RALGAPA1: variants seen among roughly 807,000 people sequenced by gnomAD.
The protein encoded by RALGAPA1 is ral GTPase-activating protein subunit alpha-1.
In RALGAPA1, 52 loss-of-function variants were observed where a neutral mutation model predicts 269.6. The observed-to-expected ratio is 0.19, with a 90% confidence interval of 0.15 to 0.24. The LOEUF is 0.24. RALGAPA1 is among the 10% of genes least tolerant of loss of function. The probability of loss-of-function intolerance (pLI) is 1.00; values close to 1 mark genes in which losing one functional copy is unlikely to be tolerated. For synonymous variants in RALGAPA1, 817 were observed against 1,008.3 expected (o/e 0.81, Z 3.60); for missense variants, 1,917 against 3,013.9 (o/e 0.64, Z 8.52).
intron 1 of RALGAPA1, among the ~76,000 whole-genome samples, chr14:35,800,380 T>TA (rs1371477239): frequency 6.6e-6 from 1 of 152,148 alleles, no homozygotes; most frequent in Non-Finnish European, 1.5e-5. Context: ...ATTCAGGTTA[T>TA]AAAAAATAGT....
chr14:35,671,135 T>TCTTTCTTTG (rs1161084327), intron 26 of RALGAPA1, among the ~76,000 whole-genome samples: 1 of 152,184 alleles, frequency 6.6e-6, no homozygotes, highest in Non-Finnish European at 1.5e-5. Flanking sequence ...AGCCCATTGC[T>TCTTTCTTTG]CTTTCTTTGC....
intron 38 of RALGAPA1, among the ~76,000 whole-genome samples, chr14:35,572,101 T>C (rs1308715469): frequency 1.3e-5 from 2 of 152,220 alleles, no homozygotes; most frequent in African/African-American, 4.8e-5. Context: ...GATAGGTGAC[T>C]GAACCATTTG....
chr14:35,600,706 C>A (rs2059240154), intron 36 of RALGAPA1, among the ~76,000 whole-genome samples: 2 of 152,142 alleles, frequency 1.3e-5, no homozygotes. Context: ...TTTACATTTT[C>A]TATTTCTTTG....
At chr14:35,652,647 C>T (rs975485822) in intron 30 of RALGAPA1, among the ~76,000 whole-genome samples, 13 of 151,988 alleles carry the variant, frequency 8.6e-5, no homozygotes, top group African/African-American at 2.4e-4. Flanking sequence ...TCAGGTGATC[C>T]GCCCACCTCA....
At chr14:35,748,522 G>A in intron 10 of RALGAPA1, 63 bp downstream of exon 10, 1 of 1,490,018 alleles carries the variant, frequency 6.7e-7, no homozygotes, top group East Asian at 2.4e-5. Context: ...CTAAAAATCA[G>A]TATGTTTAAT....
intron 16 of RALGAPA1, among the ~76,000 whole-genome samples, chr14:35,703,825 A>G (rs2067567241): frequency 6.6e-6 from 1 of 151,998 alleles, no homozygotes; most frequent in South Asian, 2.1e-4. Context: ...GAGCATGACA[A>G]TTTTTGAAGG....
At chr14:35,702,189 A>C (rs891559772) in intron 16 of RALGAPA1, among the ~76,000 whole-genome samples, 23 of 152,224 alleles carry the variant, frequency 1.5e-4, no homozygotes, top group Non-Finnish European at 2.5e-4. Flanking sequence ...TCTATATTTG[A>C]GCAGGAGTCC....
chr14:35,645,440 G>A (rs879935652), intron 31 of RALGAPA1, among the ~76,000 whole-genome samples: 11 of 148,216 alleles, frequency 7.4e-5, no homozygotes, highest in Non-Finnish European at 1.3e-4. Context: ...CTTAAGAAAC[G>A]ATACCCCAGG....
At chr14:35,554,321 TCTA>T (rs981342054) in intron 39 of RALGAPA1, among the ~76,000 whole-genome samples, 26 of 151,356 alleles carry the variant, frequency 1.7e-4, no homozygotes, top group Admixed American at 1.6e-3. Flanking sequence ...GGCTTGTTCT[TCTA>T]CTAAATACAC....
At chr14:35,591,971 T>C (rs187430938) in intron 37 of RALGAPA1, among the ~76,000 whole-genome samples, 5 of 152,298 alleles carry the variant, frequency 3.3e-5, no homozygotes, top group Non-Finnish European at 7.4e-5. Flanking sequence ...AAGATGTACC[T>C]TGCTTCCCCT....
chr14:35,758,819 C>A (rs544302379), intron 6 of RALGAPA1, among the ~76,000 whole-genome samples: 1 of 152,250 alleles, frequency 6.6e-6, no homozygotes, highest in South Asian at 2.1e-4. Context: ...GCTTATAGAA[C>A]ATCTGTTAAG....
chr14:35,717,741 A>G (rs2068969002), intron 16 of RALGAPA1, among the ~76,000 whole-genome samples: 1 of 151,914 alleles, frequency 6.6e-6, no homozygotes, highest in Admixed American at 6.6e-5. Context: ...TATTTTTAGT[A>G]GAGACGGGGT....
intron 39 of RALGAPA1, among the ~76,000 whole-genome samples, chr14:35,562,121 T>G (rs946735265): frequency 2.6e-5 from 4 of 152,232 alleles, no homozygotes; most frequent in Admixed American, 2.6e-4. Context: ...GTCCATGATA[T>G]TTAAGACCTT....
chr14:35,555,312 AT>A (rs1241258979), intron 39 of RALGAPA1, among the ~76,000 whole-genome samples: 1 of 152,154 alleles, frequency 6.6e-6, no homozygotes, highest in Non-Finnish European at 1.5e-5. Flanking sequence ...AATTGTTTAA[AT>A]TTTTTTCATA....
intron 38 of RALGAPA1, among the ~76,000 whole-genome samples, chr14:35,572,242 A>G (rs975853118): frequency 6.6e-6 from 1 of 152,232 alleles, no homozygotes; most frequent in African/African-American, 2.4e-5. Context: ...ATTACTTCTT[A>G]CTGTGATTTT....
intron 33 of RALGAPA1, among the ~76,000 whole-genome samples, chr14:35,631,151 C>A (rs1311332160): frequency 6.6e-6 from 1 of 152,114 alleles, no homozygotes; most frequent in Non-Finnish European, 1.5e-5. Context: ...AGGGGATAAT[C>A]TAGCTGGTAT....
chr14:35,714,326 C>T (rs1422178899), intron 16 of RALGAPA1, among the ~76,000 whole-genome samples: 1 of 152,068 alleles, frequency 6.6e-6, no homozygotes, highest in African/African-American at 2.4e-5. Context: ...AATAGCCATC[C>T]TAGTGGGTGG....
rs1336656004 is a variant in RALGAPA1 at position 35,763,793 on chromosome 14, T to TAG, written c.326-1042_326-1041dup. ...CGGGGTGTGTATATATATATATATA[T>TAG]AGAGAGAGAGAGAGAGAGGAATAAA... On this transcript the variant is annotated intron_variant, in intron 4 of 41. Coordinates refer to ENST00000680220, the MANE Select transcript of RALGAPA1 (RefSeq NM_001346249.2). 4.3e-3 allele frequency among the ~76,000 whole-genome samples: 622 copies of TAG among 143,624 alleles called. 2 individuals carry two copies. Among genetic ancestry groups the TAG allele is most frequent in the African/African-American group, 9.6e-3 (373 of 38,658 alleles). The allele number at this position is 143,624 out of a possible 152,430, so 94.2% of individuals were successfully genotyped here. A position where few individuals can be genotyped will look rare whatever the true frequency, so the allele number is the denominator to read the frequency against.
At chr14:35,682,799 G>A (rs1339619258) in intron 21 of RALGAPA1, among the ~76,000 whole-genome samples, 1 of 152,046 alleles carries the variant, frequency 6.6e-6, no homozygotes, top group Admixed American at 6.6e-5. Flanking sequence ...ATCCTATAAT[G>A]ATGGAACTGT....
Sources: allele counts gnomAD v4.1 joint callset (sites outside exome capture counted in the v4.1 genomes callset), GRCh38; gene constraint gnomAD v4.1.1; transcripts MANE v1.5; gene names NCBI Gene and HGNC (gene_info 2026-07-23, HGNC 2026-07-21).